The following PCDH15 variants were observed in gnomAD, a reference collection of about 807,000 sequenced individuals.
The protein encoded by PCDH15 is protocadherin related 15, also known as protocadherin-15.
A neutral mutation model predicts 178.5 loss-of-function variants in PCDH15; 129 were observed. The ratio of observed to expected loss-of-function variants is 0.72; its 90% CI spans 0.63 to 0.84. The LOEUF (loss-of-function observed/expected upper bound fraction) is 0.84. PCDH15 is among the 40% of genes least tolerant of loss of function. The pLI, the probability that PCDH15 is intolerant of heterozygous loss-of-function variation, is 0.00. For missense variants in PCDH15, 2,230 were observed against 2,099.9 expected, an observed-to-expected ratio of 1.06 and a Z score of -1.21; for synonymous variants, 800 against 732.0, an observed-to-expected ratio of 1.09 and a Z score of -1.50.
intron 2 of PCDH15, among the ~76,000 whole-genome samples, chr10:55,007,302 G>A (rs909188688): frequency 6.6e-6 from 1 of 152,068 alleles, no homozygotes; most frequent in African/African-American, 2.4e-5. Flanking sequence ...GATTTCCAAG[G>A]TGCCTAACTA....
intron 2 of PCDH15, among the ~76,000 whole-genome samples, chr10:55,035,037 A>T (rs1840699916): frequency 6.6e-6 from 1 of 152,142 alleles, no homozygotes. Context: ...GTGTCTTCAG[A>T]AAAGAAATGT....
At chr10:53,975,646 G>T (rs946837672) in intron 21 of PCDH15, among the ~76,000 whole-genome samples, 2 of 151,948 alleles carry the variant, frequency 1.3e-5, no homozygotes, top group African/African-American at 4.8e-5. Context: ...GTCGAATTAG[G>T]TTCTTTATAG....
chr10:55,002,375 A>T (rs1839813828), intron 2 of PCDH15, among the ~76,000 whole-genome samples: 1 of 152,214 alleles, frequency 6.6e-6, no homozygotes, highest in Non-Finnish European at 1.5e-5. Context: ...TTTAATGATG[A>T]GGAAAAGTTA....
chr10:54,970,596 A>C (rs538960795), intron 2 of PCDH15, among the ~76,000 whole-genome samples: 35 of 136,464 alleles, frequency 2.6e-4, no homozygotes, highest in African/African-American at 9.3e-4. Flanking sequence ...TTGGTTTGGA[A>C]ATATTAAATG....
intron 10 of PCDH15, among the ~76,000 whole-genome samples, chr10:54,206,895 G>A (rs917839402): frequency 6.6e-6 from 1 of 152,052 alleles, no homozygotes; most frequent in African/African-American, 2.4e-5. Flanking sequence ...ATTGCAGAGT[G>A]GGGAGACGTG....
At chr10:54,686,585 G>A (rs1227063224) in intron 1 of PCDH15, among the ~76,000 whole-genome samples, 1 of 151,998 alleles carries the variant, frequency 6.6e-6, no homozygotes, top group Non-Finnish European at 1.5e-5. Flanking sequence ...AATTTTTTGT[G>A]TGTATGGTGT....
At chr10:53,954,074 G>C (rs2593111) in intron 23 of PCDH15, among the ~76,000 whole-genome samples, 1,565 of 152,292 alleles carry the variant, frequency 0.01, 25 homozygotes, top group African/African-American at 0.035. Context: ...ACAGGTGTGA[G>C]CAACTGCGCC....
intron 1 of PCDH15, among the ~76,000 whole-genome samples, chr10:54,695,705 T>C (rs1002645965): frequency 2.0e-5 from 3 of 152,226 alleles, no homozygotes; most frequent in Admixed American, 6.5e-5. Flanking sequence ...TGATACTTAC[T>C]GACCATTCTG....
chr10:54,630,179 T>C (rs531017099), intron 2 of PCDH15, among the ~76,000 whole-genome samples: 214 of 152,240 alleles, frequency 1.4e-3, no homozygotes, highest in Non-Finnish European at 2.7e-3. Flanking sequence ...AAAATTCATA[T>C]GGAACTAGAA....
At chr10:54,028,008 C>T (rs12355466) in intron 18 of PCDH15, among the ~76,000 whole-genome samples, 113,144 of 147,704 alleles carry the variant, frequency 0.77, 43,808 homozygotes, top group Middle Eastern at 0.86. Flanking sequence ...ACAGGCAACC[C>T]ACACAATGGG....
In PCDH15 at chr10:54,287,830, C is replaced by T. The variant is rs151231470; in HGVS notation, c.876+29441G>A. On this transcript the variant is annotated intron_variant, in intron 8 of 37. Transcript: ENST00000644397. ...GGGATTCAATTCTATTTAAGATAAT[C>T]GAAGTTCTCTTTACAATCATGATTG... Among the ~76,000 whole-genome samples, 110 of 152,130 alleles carry T rather than the reference C, an allele frequency of 7.2e-4. 1 individual carries two copies. The East Asian group carries it at 0.02, about 28-fold the overall frequency.
At chr10:54,058,228 C>G (rs2093939615) in intron 18 of PCDH15, among the ~76,000 whole-genome samples, 2 of 152,124 alleles carry the variant, frequency 1.3e-5, no homozygotes, top group Non-Finnish European at 2.9e-5. Context: ...TCCAGCAGCA[C>G]CACACTCTAC....
chr10:54,736,658 C>T (rs1944167218), intron 1 of PCDH15, among the ~76,000 whole-genome samples: 2 of 152,042 alleles, frequency 1.3e-5, no homozygotes, highest in Admixed American at 6.6e-5. Flanking sequence ...TTAGATGGTA[C>T]TTCATAGTAG....
intron 2 of PCDH15, chr10:55,599,360 T>A (rs948286801): frequency 6.6e-6 from 1 of 152,174 alleles, no homozygotes; most frequent in Non-Finnish European, 1.5e-5. Context: ...CTCCTGTAAG[T>A]TTAACTGTTA....
In PCDH15 at chr10:53,809,504, C is replaced by T. The variant is rs191518347; in HGVS notation, c.4671+1052G>A. 74 of 1,611,940 alleles carry T rather than the reference C, an allele frequency of 4.6e-5. 1 individual carries two copies. The highest frequency in any genetic ancestry group is 6.0e-5 in the Non-Finnish European group (71 of 1,179,426). ...ACTACTTCTTCCTCCTCACTAGGCTCTCTAATTTCAACCTTTGGTTTTTTA... is the reference window on the plus strand; with the variant it reads ...ACTACTTCTTCCTCCTCACTAGGCTTTCTAATTTCAACCTTTGGTTTTTTA... On this transcript the variant is annotated intron_variant, in intron 37 of 37. Coordinates refer to ENST00000644397, the MANE Select transcript of PCDH15 (RefSeq NM_001384140.1).
chr10:54,807,492 A>C (rs1049980663), intron 3 of PCDH15, among the ~76,000 whole-genome samples: 4 of 151,908 alleles, frequency 2.6e-5, no homozygotes, highest in African/African-American at 9.7e-5. Flanking sequence ...GCTACTATAC[A>C]TTGTACTTTT....
chr10:54,739,408 T>G (rs1944498799), intron 1 of PCDH15, among the ~76,000 whole-genome samples: 1 of 151,822 alleles, frequency 6.6e-6, no homozygotes, highest in African/African-American at 2.4e-5. Flanking sequence ...AAAAGATTGA[T>G]AAAATAAATT....
intron 1 of PCDH15, among the ~76,000 whole-genome samples, chr10:55,244,729 A>T (rs1356853785): frequency 2.0e-5 from 3 of 151,682 alleles, no homozygotes; most frequent in Non-Finnish European, 4.4e-5. Flanking sequence ...GAGATACATT[A>T]ATGTCAGAAT....
intron 25 of PCDH15, among the ~76,000 whole-genome samples, chr10:53,934,374 T>C (rs2921917): frequency 0.035 from 5,375 of 152,094 alleles, 290 homozygotes; most frequent in African/African-American, 0.12. Context: ...CTAGAGAAAC[T>C]AAGATGAGGG....
Sources: gnomAD v4.1 joint callset for allele counts (sites outside exome capture counted in the v4.1 genomes callset) on GRCh38, gnomAD v4.1.1 for gene constraint, MANE v1.5 for transcripts, NCBI Gene and HGNC (gene_info 2026-07-23, HGNC 2026-07-21) for gene names.